The following FNBP4 variants were observed in gnomAD, a reference collection of about 807,000 sequenced individuals.
FNBP4 encodes formin binding protein 4.
A neutral mutation model predicts 119.3 loss-of-function variants in FNBP4; 34 were observed. The ratio of observed to expected loss-of-function variants is 0.28; its 90% confidence interval spans 0.22 to 0.38. The LOEUF is 0.38. Among genes scored for constraint, FNBP4 ranks in the 10% least tolerant of loss-of-function variants. The pLI is 1.00. For synonymous variants in FNBP4, 462 were observed against 430.6 expected (o/e 1.07, Z -0.90); for missense variants, 1,112 against 1,228.9 (o/e 0.90, Z 1.42).
intron 4 of FNBP4, 71 bp downstream of exon 4, chr11:47,752,845 C>T (rs1020710053): frequency 8.0e-7 from 1 of 1,243,958 alleles, no homozygotes; most frequent in Non-Finnish European, 1.1e-6. Flanking sequence ...AAACAAAAAA[C>T]CAGAAAAGTG....
In FNBP4 at chr11:47,739,242, T is replaced by C. The variant is rs913173234; in HGVS notation, c.1457-2502A>G. ...ATTGCATCCGGCCTAAAACTTTTTA[T>C]TAAGTCCTTAACCTTATAATATAAT... On this transcript the variant is annotated intron_variant, in intron 8 of 16. Coordinates refer to ENST00000263773, the MANE Select transcript of FNBP4 (RefSeq NM_015308.5). 3.9e-5 allele frequency among the ~76,000 whole-genome samples: 6 copies of C among 152,132 alleles called. No homozygotes were observed. The South Asian group carries it at 1.0e-3, about 26-fold the overall frequency.
Position 47,760,259 on chromosome 11 carries a change from ATTT to A in FNBP4, c.313+5008_313+5010del, listed in dbSNP as rs199885568. 1.4e-3 allele frequency among the ~76,000 whole-genome samples: 182 copies of A among 127,886 alleles called. 1 individual carries two copies. The highest frequency in any genetic ancestry group is 4.0e-3 in the East Asian group (18 of 4,476). The allele number at this position is 127,886 out of a possible 152,430, so 83.9% of individuals were successfully genotyped here. ...GAGAGACATCATAAATTGATCAAAC[ATTT>A]TTTTTTTTTTTTTTTTTGAGACAGA... On this transcript the variant is annotated intron_variant, in intron 2 of 16. Transcript: ENST00000263773.
chr11:47,736,010 G>A (rs1233557315), intron 9 of FNBP4, among the ~76,000 whole-genome samples: 3 of 151,508 alleles, frequency 2.0e-5, no homozygotes, highest in African/African-American at 4.9e-5. Flanking sequence ...CCCAGGAGGC[G>A]GAGCTTGCAG....
chr11:47,765,534 C>A (rs574175123), intron 1 of FNBP4, among the ~76,000 whole-genome samples, 172 bp from the exon 2 acceptor site: 19 of 122,934 alleles, frequency 1.5e-4, no homozygotes, highest in African/African-American at 5.9e-4. Context: ...GATGGGTTCG[C>A]ACCTGTAATC....
intron 8 of FNBP4, among the ~76,000 whole-genome samples, chr11:47,738,847 ATTTTTTTTTTTTTTTTTTTTTTTT>A (rs71045510): frequency 1.2e-3 from 135 of 110,990 alleles, no homozygotes; most frequent in African/African-American, 4.1e-3. Flanking sequence ...TGCCCAGGTA[ATTTTTTTTTTTTTTTTTTTTTTTT>A]TTTTTTTTTT....
chr11:47,734,659 G>T (rs1211644687), intron 9 of FNBP4, among the ~76,000 whole-genome samples: 4 of 152,116 alleles, frequency 2.6e-5, no homozygotes, highest in African/African-American at 4.8e-5. Context: ...GTTGGTCAAA[G>T]AATACAAACT....
At chr11:47,740,344 G>A (rs866012072) in intron 8 of FNBP4, among the ~76,000 whole-genome samples, 1 of 151,608 alleles carries the variant, frequency 6.6e-6, no homozygotes, top group Non-Finnish European at 1.5e-5. Flanking sequence ...CCCGGGAGGT[G>A]GAAGTTGCAG....
chr11:47,737,309 T>C (rs1190553657), intron 8 of FNBP4, among the ~76,000 whole-genome samples: 1 of 152,226 alleles, frequency 6.6e-6, no homozygotes, highest in Non-Finnish European at 1.5e-5. Context: ...CCCTTCTCCT[T>C]AACATCTTTT....
At chr11:47,734,239 A>C in intron 9 of FNBP4, 110 bp from the exon 10 acceptor site, 1 of 545,738 alleles carries the variant, frequency 1.8e-6, no homozygotes, top group East Asian at 3.1e-5. Flanking sequence ...TCTGCCTATA[A>C]ACAGCCTTCC....
chr11:47,727,171 A>G (rs994308135), intron 12 of FNBP4, among the ~76,000 whole-genome samples: 2 of 152,250 alleles, frequency 1.3e-5, no homozygotes, highest in Non-Finnish European at 2.9e-5. Context: ...AACTCTGTAA[A>G]TATGAGATTA....
At position 47,767,315 on chromosome 11, in the gene FNBP4, G is replaced by C; in HGVS notation, c.-27C>G. On this transcript the variant is annotated 5_prime_UTR_variant, in exon 1 of 17. Transcript: ENST00000263773. ...GCGAGCCCAAGCGCGAGCAGAGAGC[G>C]TCGGGCGGCCGAGAGGGGCGGGCAC... 5 of 1,458,488 alleles carry C rather than the reference G, an allele frequency of 3.4e-6. No individual in the cohort carries two copies. Among genetic ancestry groups the C allele is most frequent in the East Asian group, 2.7e-5 (1 of 37,214 alleles). 90.3% of individuals were successfully genotyped at this position (1,458,488 alleles called of 1,614,324 possible).
In FNBP4 at chr11:47,732,303, C is replaced by T; in HGVS notation, c.1820+234G>A. The T allele has an allele frequency of 1.4e-6, 2 of 1,385,968 alleles. No homozygotes were observed. Among genetic ancestry groups the T allele is most frequent in the Non-Finnish European group, 9.3e-7 (1 of 1,069,764 alleles). 85.9% of individuals were successfully genotyped at this position (1,385,968 alleles called of 1,614,324 possible). The stretch of plus-strand genomic sequence containing the variant: ...CAACACTCTGGAGAGTAAAAACCAG[C>T]TTTGTCCATATCTTGGGAAAAAATC... On this transcript the variant is annotated intron_variant, in intron 11 of 16. Transcript: ENST00000263773. The surrounding 1 kb of genome is among the most constrained non-coding windows in gnomAD (Gnocchi z 4.2).
Position 47,746,118 on chromosome 11 carries a change from C to G in FNBP4, c.1183G>C (p.Glu395Gln). The G allele has an allele frequency of 6.2e-7, 1 of 1,613,140 alleles. No individual in the cohort carries two copies. Among genetic ancestry groups the G allele is most frequent in the Non-Finnish European group, 8.5e-7 (1 of 1,179,830 alleles). ...TCTTGTTCCTCTTCCTCCTCACTTTCTCCAGATTGGACAACACTGCAAAGA... is the reference window on the plus strand; with the variant it reads ...TCTTGTTCCTCTTCCTCCTCACTTTGTCCAGATTGGACAACACTGCAAAGA... The part of the protein sequence containing the change: ...EDLCSVVQSG[E>Q]SEEEEEQDTL... The change falls in exon 7 of 17, where the codon GAA becomes CAA. Residue 395 changes from glutamate to glutamine, a missense_variant. Physicochemically the swap from Glu to Gln is conservative, Grantham distance 29 (BLOSUM62 2). Around this residue, in one of 2 missense-constraint regions of FNBP4, gnomAD observed 826 missense variants for 988.8 expected, o/e 0.84. Transcript: ENST00000263773.
chr11:47,736,781 C>A (rs1342921918), intron 8 of FNBP4, 41 bp from the exon 9 acceptor site: 1 of 1,536,068 alleles, frequency 6.5e-7, no homozygotes, highest in Non-Finnish European at 8.9e-7. Context: ...AGTACCAATA[C>A]TTATAGAACA....
At position 47,759,675 on chromosome 11, in the gene FNBP4, G is replaced by A. The variant is rs542373750; in HGVS notation, c.314-5011C>T. On this transcript the variant is annotated intron_variant, in intron 2 of 16. Transcript: ENST00000263773. Reference sequence around the variant, plus strand: ...TTATTTTTAAATAAAAATACTGGCCGGGCACGGTGGCTCATGCCTGTAATC... The same window carrying A: ...TTATTTTTAAATAAAAATACTGGCCAGGCACGGTGGCTCATGCCTGTAATC... Among the ~76,000 whole-genome samples the A allele has an allele frequency of 1.8e-4, 28 of 152,142 alleles. No individual in the cohort carries two copies. The South Asian group carries it at 3.9e-3, about 21-fold the overall frequency.
chr11:47,734,865 C>T (rs545892568), intron 9 of FNBP4, among the ~76,000 whole-genome samples: 201 of 151,466 alleles, frequency 1.3e-3, no homozygotes, highest in Non-Finnish European at 2.4e-3. Flanking sequence ...CCCAGCTACT[C>T]GGGAGGCTGA....
chr11:47,751,116 C>A, intron 5 of FNBP4, 27 bp downstream of exon 5: 2 of 1,613,546 alleles, frequency 1.2e-6, no homozygotes, highest in African/African-American at 2.7e-5. Context: ...TCCTTCTAGG[C>A]AATTTCACTT....
chr11:47,765,851 CTTTTTTTT>C (rs1167976570), intron 1 of FNBP4, among the ~76,000 whole-genome samples: 1 of 82,170 alleles, frequency 1.2e-5, no homozygotes, highest in African/African-American at 4.5e-5. Context: ...GAGCTGGAAT[CTTTTTTTT>C]TTTTTTTTTT....
In FNBP4 at chr11:47,746,320, A is replaced by G. The variant is rs1284762490; in HGVS notation, c.981T>C (p.Ala327=). 6.2e-7 allele frequency: 1 copy of G among 1,614,090 alleles called. No homozygotes were observed. Among genetic ancestry groups the G allele is most frequent in the South Asian group, 1.1e-5 (1 of 91,078 alleles). ...EKKGVAASLL[A]PLLPEGIKEE... is the part of the protein sequence containing the mutation. The stretch of plus-strand genomic sequence containing the variant: ...CTTTTATTCCCTCAGGCAATAAAGG[A>G]GCAAGCAGCGATGCTGCCACCCCTT... Residue 327 remains alanine (A), a synonymous_variant, in exon 7 of 17, where the codon GCT becomes GCC. Transcript: ENST00000263773.
Sources: allele counts gnomAD v4.1 joint callset (sites outside exome capture counted in the v4.1 genomes callset), GRCh38; gene constraint gnomAD v4.1.1; regional missense constraint gnomAD v4.1.1; non-coding constraint Gnocchi (gnomAD v3.1); transcripts MANE v1.5; gene names NCBI Gene and HGNC (gene_info 2026-07-23, HGNC 2026-07-21).